CDH18: variants seen among roughly 807,000 people sequenced by gnomAD.
CDH18 encodes cadherin 18.
A neutral mutation model predicts 67.9 loss-of-function variants in CDH18; 31 were observed. The ratio of observed to expected loss-of-function variants is 0.46; its 90% confidence interval spans 0.34 to 0.62. The LOEUF (loss-of-function observed/expected upper bound fraction) is 0.62, where lower values mean the gene tolerates loss of function less well. CDH18 is among the 20% of genes least tolerant of loss of function. CDH18 has a pLI of 0.01. For missense variants in CDH18, 890 were observed against 975.5 expected (o/e 0.91, Z 1.17); for synonymous variants, 362 against 347.2 (o/e 1.04, Z -0.48).
chr5:20,325,745 A>T (rs1420954815), intron 1 of CDH18, among the ~76,000 whole-genome samples: 1 of 151,956 alleles, frequency 6.6e-6, no homozygotes, highest in Non-Finnish European at 1.5e-5. Context: ...TTCCCTTACA[A>T]TCATCCTTTC....
chr5:19,686,170 C>A (rs62351321), intron 5 of CDH18, among the ~76,000 whole-genome samples: 6 of 151,674 alleles, frequency 4.0e-5, no homozygotes, highest in African/African-American at 1.5e-4. Flanking sequence ...AAAACCAGCA[C>A]GCAATAAAAC....
At chr5:20,423,368 C>A (rs1748013737) in intron 1 of CDH18, among the ~76,000 whole-genome samples, 2 of 151,256 alleles carry the variant, frequency 1.3e-5, no homozygotes, top group South Asian at 4.1e-4. Flanking sequence ...TATCCATATA[C>A]CCATGTACAC....
chr5:19,836,202 A>G (rs1781606320), intron 3 of CDH18, among the ~76,000 whole-genome samples: 1 of 152,156 alleles, frequency 6.6e-6, no homozygotes. Flanking sequence ...GGCAATTTTA[A>G]TGATTCTTTT....
intron 2 of CDH18, among the ~76,000 whole-genome samples, chr5:19,928,254 T>C (rs921483581): frequency 2.6e-5 from 4 of 152,126 alleles, no homozygotes; most frequent in African/African-American, 7.2e-5. Context: ...AGAATTCTTC[T>C]CAATATGCTG....
chr5:20,467,092 C>CAA (rs36036930), intron 1 of CDH18, among the ~76,000 whole-genome samples: 12,614 of 151,958 alleles, frequency 0.083, 1,665 homozygotes, highest in African/African-American at 0.28. Flanking sequence ...AATAGTTTAA[C>CAA]AAGATTATTT....
At chr5:20,526,163 T>G (rs1478570591) in intron 1 of CDH18, among the ~76,000 whole-genome samples, 1 of 152,080 alleles carries the variant, frequency 6.6e-6, no homozygotes, top group Admixed American at 6.6e-5. Context: ...GCCAGACTCT[T>G]TGTTTAGGTG....
intron 2 of CDH18, among the ~76,000 whole-genome samples, chr5:19,934,152 T>A (rs2150208416): frequency 6.9e-6 from 1 of 145,022 alleles, no homozygotes. Context: ...TAAATAAGAG[T>A]AGAAAGGAAA....
chr5:19,977,771 G>A (rs1308688493), intron 2 of CDH18, among the ~76,000 whole-genome samples: 1 of 151,968 alleles, frequency 6.6e-6, no homozygotes, highest in Non-Finnish European at 1.5e-5. Flanking sequence ...CATGAGATAA[G>A]GCCATTCAAA....
chr5:20,555,196 A>T (rs1249445878), intron 1 of CDH18, among the ~76,000 whole-genome samples: 1 of 152,124 alleles, frequency 6.6e-6, no homozygotes, highest in African/African-American at 2.4e-5. Context: ...AAAAAGAGTT[A>T]AGTCATGGGA....
At chr5:19,833,123 C>A (rs1014646711) in intron 3 of CDH18, among the ~76,000 whole-genome samples, 1 of 152,004 alleles carries the variant, frequency 6.6e-6, no homozygotes, top group African/African-American at 2.4e-5. Flanking sequence ...GGCAATATGG[C>A]GATTTTCATG....
chr5:20,386,655 A>T (rs1744333912), intron 1 of CDH18, among the ~76,000 whole-genome samples: 1 of 152,176 alleles, frequency 6.6e-6, no homozygotes, highest in Non-Finnish European at 1.5e-5. Flanking sequence ...CTTTGTAGAT[A>T]AAACCTACTT....
chr5:20,185,595 G>C (rs1738033970), intron 2 of CDH18, among the ~76,000 whole-genome samples: 1 of 151,876 alleles, frequency 6.6e-6, no homozygotes, highest in Non-Finnish European at 1.5e-5. Flanking sequence ...TCTTCTCTGA[G>C]GATATTTCCT....
chr5:19,982,404 A>T (rs1799145898), intron 1 of CDH18, among the ~76,000 whole-genome samples: 1 of 147,350 alleles, frequency 6.8e-6, no homozygotes, highest in African/African-American at 2.7e-5. Flanking sequence ...TTTTTCTCTC[A>T]AAATTTTTCT....
chr5:20,058,402 A>G (rs1742178888), intron 2 of CDH18, among the ~76,000 whole-genome samples: 1 of 152,102 alleles, frequency 6.6e-6, no homozygotes, highest in Non-Finnish European at 1.5e-5. Context: ...TTTGGACCAC[A>G]ATGAAAAAAA....
At chr5:19,551,332 A>C (rs1393382848) in intron 8 of CDH18, among the ~76,000 whole-genome samples, 1 of 152,176 alleles carries the variant, frequency 6.6e-6, no homozygotes, top group Non-Finnish European at 1.5e-5. Flanking sequence ...TTTAGAATGT[A>C]AAGATCAATT....
intron 4 of CDH18, among the ~76,000 whole-genome samples, chr5:19,726,264 C>T (rs917457241): frequency 6.6e-6 from 1 of 152,150 alleles, no homozygotes; most frequent in Non-Finnish European, 1.5e-5. Context: ...ACAAAGGAAA[C>T]TTAGTAGAGC....
chr5:20,572,350 A>ATG (rs1758865760), intron 1 of CDH18, among the ~76,000 whole-genome samples: 1 of 152,000 alleles, frequency 6.6e-6, no homozygotes, highest in South Asian at 2.1e-4. Flanking sequence ...CATGTAAAGG[A>ATG]TGTTTCTTCC....
chr5:20,240,811 T>G (rs926688838), intron 2 of CDH18, among the ~76,000 whole-genome samples: 1 of 152,136 alleles, frequency 6.6e-6, no homozygotes, highest in African/African-American at 2.4e-5. Context: ...CTGCTTTTTA[T>G]TTTTGCTGCT....
intron 2 of CDH18, among the ~76,000 whole-genome samples, chr5:20,115,746 A>T (rs1286385388): frequency 6.6e-6 from 1 of 152,164 alleles, no homozygotes; most frequent in Non-Finnish European, 1.5e-5. Flanking sequence ...TTATGACTTC[A>T]TGTATACTCC....
Sources: allele counts gnomAD v4.1 joint callset (sites outside exome capture counted in the v4.1 genomes callset), GRCh38; gene constraint gnomAD v4.1.1; transcripts MANE v1.5; gene names NCBI Gene and HGNC (gene_info 2026-07-23, HGNC 2026-07-21).